TSHZ2: variants seen among roughly 807,000 people sequenced by gnomAD.
The protein encoded by TSHZ2 is teashirt zinc finger homeobox 2.
Under a neutral mutation model 74.4 loss-of-function variants are expected in TSHZ2, and 21 were observed. The observed-to-expected ratio is 0.28, with a 90% CI of 0.20 to 0.41. TSHZ2 has a LOEUF of 0.41. Ranked by LOEUF, TSHZ2 falls within the 10% of genes least tolerant of loss-of-function variation. The pLI is 1.00. For missense variants in TSHZ2, 1,244 were observed against 1,293.5 expected, an observed-to-expected ratio of 0.96 and a Z score of 0.59; for synonymous variants, 540 against 515.3, an observed-to-expected ratio of 1.05 and a Z score of -0.65.
intron 1 of TSHZ2, among the ~76,000 whole-genome samples, chr20:53,252,339 C>T (rs899495650): frequency 3.3e-5 from 5 of 152,176 alleles, no homozygotes; most frequent in African/African-American, 1.2e-4. Context: ...CGCTACCTGC[C>T]ACAGAGAGAG....
chr20:53,321,938 G>GGAT (rs1211811064), intron 2 of TSHZ2, among the ~76,000 whole-genome samples: 8 of 152,204 alleles, frequency 5.3e-5, no homozygotes, highest in Non-Finnish European at 1.0e-4. Context: ...CCACAAGAGG[G>GGAT]CCGCCATCCC....
At chr20:53,119,250 A>G (rs1986746413) in intron 1 of TSHZ2, among the ~76,000 whole-genome samples, 1 of 152,238 alleles carries the variant, frequency 6.6e-6, no homozygotes. Context: ...AAGAAAGTGC[A>G]TACATTCATT....
At chr20:53,011,872 C>T (rs926730227) in intron 1 of TSHZ2, among the ~76,000 whole-genome samples, 5 of 152,182 alleles carry the variant, frequency 3.3e-5, no homozygotes, top group Middle Eastern at 6.8e-3. Context: ...ATCTGCCTTC[C>T]CAATAGGGTC....
chr20:53,188,134 T>C (rs183032794), intron 1 of TSHZ2, among the ~76,000 whole-genome samples: 30 of 152,220 alleles, frequency 2.0e-4, no homozygotes, highest in African/African-American at 7.0e-4. Context: ...TTCTCAAAAT[T>C]CATGAAAACC....
At chr20:53,391,157 TTTGG>T (rs1982240005) in intron 2 of TSHZ2, among the ~76,000 whole-genome samples, 7 of 132,160 alleles carry the variant, frequency 5.3e-5, no homozygotes, top group African/African-American at 1.6e-4. Flanking sequence ...TTTGTTTTGG[TTTGG>T]TTTGAGACAG....
chr20:53,358,801 T>C (rs1183684771), intron 2 of TSHZ2, among the ~76,000 whole-genome samples: 2 of 152,256 alleles, frequency 1.3e-5, no homozygotes, highest in Admixed American at 1.3e-4. Flanking sequence ...CTTGTGCCAC[T>C]TGATGAAGCA....
intron 2 of TSHZ2, among the ~76,000 whole-genome samples, chr20:53,435,544 T>A (rs1018797253): frequency 8.5e-5 from 13 of 152,162 alleles, no homozygotes; most frequent in Non-Finnish European, 1.9e-4. Context: ...GACAGAGTCT[T>A]GCTCTGTCGC....
chr20:53,297,477 C>A (rs1991401058), intron 2 of TSHZ2, among the ~76,000 whole-genome samples: 1 of 152,280 alleles, frequency 6.6e-6, no homozygotes, highest in Non-Finnish European at 1.5e-5. Context: ...TCAAGCTATC[C>A]TCCTGCCTTG....
chr20:53,056,763 T>G (rs1231152969), intron 1 of TSHZ2, among the ~76,000 whole-genome samples: 2 of 152,196 alleles, frequency 1.3e-5, no homozygotes, highest in African/African-American at 4.8e-5. Flanking sequence ...TCCCTGCACC[T>G]GGACATGCTT....
chr20:53,337,532 T>C (rs1055223574), intron 2 of TSHZ2, among the ~76,000 whole-genome samples: 4 of 152,274 alleles, frequency 2.6e-5, no homozygotes, highest in Admixed American at 6.5e-5. Flanking sequence ...CCTCAGCCAC[T>C]CTAGGAGGGA....
At chr20:53,141,936 G>T (rs983060113) in intron 1 of TSHZ2, among the ~76,000 whole-genome samples, 1 of 152,220 alleles carries the variant, frequency 6.6e-6, no homozygotes. Flanking sequence ...CTGGAAACCT[G>T]TGGGCTTCAC....
intron 2 of TSHZ2, among the ~76,000 whole-genome samples, chr20:53,354,582 G>C (rs1301988483): frequency 6.6e-6 from 1 of 152,052 alleles, no homozygotes; most frequent in African/African-American, 2.4e-5. Context: ...TGAATCAAAG[G>C]GTCACTTAAC....
At chr20:53,143,160 C>T (rs1448810373) in intron 1 of TSHZ2, among the ~76,000 whole-genome samples, 3 of 152,138 alleles carry the variant, frequency 2.0e-5, no homozygotes, top group Non-Finnish European at 4.4e-5. Context: ...ATTAAGGGGC[C>T]TGTAGGAGTG....
chr20:53,203,713 A>G (rs1473657860), intron 1 of TSHZ2, among the ~76,000 whole-genome samples: 3 of 152,118 alleles, frequency 2.0e-5, no homozygotes, highest in Admixed American at 2.0e-4. Context: ...AGAAACCAGG[A>G]AAATAAATTT....
intron 2 of TSHZ2, among the ~76,000 whole-genome samples, chr20:53,265,680 G>A (rs1464200766): frequency 6.6e-6 from 1 of 152,214 alleles, no homozygotes; most frequent in Non-Finnish European, 1.5e-5. Context: ...TCCTTGTGGG[G>A]GAGGCACAGG....
rs568045992 is a variant in TSHZ2, at chr20:53,482,379, C to T, written c.*9-4765C>T. ...GTTGACACAAGGTGAAGCAATGTCA[C>T]ATTGTCACCACAACAGGATCCTTTC... On this transcript the variant is annotated intron_variant, in intron 2 of 2. Transcript: ENST00000371497. Among the ~76,000 whole-genome samples, 4 of 152,260 alleles carry T rather than the reference C, an allele frequency of 2.6e-5. No homozygotes were observed. In the South Asian group the frequency reaches 8.3e-4, roughly 32 times the overall value.
chr20:53,244,146 G>A (rs1990143277), intron 1 of TSHZ2, among the ~76,000 whole-genome samples: 1 of 151,980 alleles, frequency 6.6e-6, no homozygotes, highest in Admixed American at 6.6e-5. Flanking sequence ...AATACAGATG[G>A]TGCAGCAGCT....
chr20:53,066,117 T>A (rs1984975505), intron 1 of TSHZ2, among the ~76,000 whole-genome samples: 1 of 152,188 alleles, frequency 6.6e-6, no homozygotes, highest in Non-Finnish European at 1.5e-5. Context: ...CTTCTGCTCC[T>A]GCGTCATGGT....
At chr20:53,021,005 G>A (rs6022218) in intron 1 of TSHZ2, among the ~76,000 whole-genome samples, 3 of 152,108 alleles carry the variant, frequency 2.0e-5, no homozygotes, top group Non-Finnish European at 4.4e-5. Context: ...AATGAAGTAA[G>A]GCTTGTAAAG....
Sources: allele counts gnomAD v4.1 joint callset (sites outside exome capture counted in the v4.1 genomes callset), GRCh38; gene constraint gnomAD v4.1.1; transcripts MANE v1.5; gene names NCBI Gene and HGNC (gene_info 2026-07-23, HGNC 2026-07-21).